Variants in SULF2 observed in about 807,000 individuals in gnomAD.
SULF2 encodes the protein extracellular sulfatase Sulf-2.
SULF2 carries 52 observed loss-of-function variants against 107.7 expected under a neutral mutation model. The ratio of observed to expected loss-of-function variants is 0.48; its 90% CI spans 0.39 to 0.61. The LOEUF (loss-of-function observed/expected upper bound fraction) is 0.61, where lower values mean the gene tolerates loss of function less well. Among genes scored for constraint, SULF2 ranks in the 20% least tolerant of loss-of-function variants. SULF2 has a pLI of 0.00. For synonymous variants in SULF2, 460 were observed against 464.3 expected, an observed-to-expected ratio of 0.99 and a Z score of 0.12; for missense variants, 993 against 1,177.3, an observed-to-expected ratio of 0.84 and a Z score of 2.29.
chr20:47,740,554 A>T (rs2089853431), intron 2 of SULF2, among the ~76,000 whole-genome samples: 1 of 152,170 alleles, frequency 6.6e-6, no homozygotes, highest in South Asian at 2.1e-4. Context: ...AGGGGGTGGC[A>T]TTGCCTTAGA....
At chr20:47,754,094 A>G (rs1380519322) in intron 2 of SULF2, among the ~76,000 whole-genome samples, 1 of 152,176 alleles carries the variant, frequency 6.6e-6, no homozygotes, top group Admixed American at 6.5e-5. Context: ...GCGTGCAGGG[A>G]AAGGAAAATT....
Position 47,736,774 on chromosome 20 carries a change from G to A in SULF2, c.344C>T (p.Ser115Leu), listed in dbSNP as rs762002969. Reference protein sequence around the residue: ...NTYTNNENCSSPSWQAQHESR... With the variant: ...NTYTNNENCSLPSWQAQHESR... Reference sequence around the variant, plus strand: ...CTCGTGCTGTGCCTGCCAGGAGGGCGAGGAGCAGTTCTCATTGTTGGTGTA... The same window carrying A: ...CTCGTGCTGTGCCTGCCAGGAGGGCAAGGAGCAGTTCTCATTGTTGGTGTA... Residue 115 changes from serine to leucine, a missense_variant, in exon 3 of 21, where the codon TCG becomes TTG. Coordinates refer to ENST00000688720, the MANE Select transcript of SULF2 (RefSeq NM_001387048.1). 6.8e-6 allele frequency: 11 copies of A among 1,614,234 alleles called. No homozygotes were observed. The highest frequency in any genetic ancestry group is 1.3e-5 in the African/African-American group (1 of 75,064).
In SULF2 at chr20:47,661,867, C is replaced by T. The variant is rs2087086140; in HGVS notation, c.2400G>A (p.Arg800=). ...GTACGTGTAGCTGGTTGAGGACATC[C>T]CTGTCCAGTGTGTTCACTGCATTCA... The part of the protein sequence containing the change: ...QLMNAVNTLD[R]DVLNQLHVQL... Residue 800 remains arginine, a synonymous_variant, in exon 18 of 21, where the codon AGG becomes AGA. Coordinates refer to ENST00000688720, the MANE Select transcript of SULF2 (RefSeq NM_001387048.1). 2 of 1,589,562 alleles carry T rather than the reference C, an allele frequency of 1.3e-6. No homozygotes were observed. The highest frequency in any genetic ancestry group is 1.7e-6 in the Non-Finnish European group (2 of 1,163,498).
At chr20:47,749,953 C>T (rs1327269969) in intron 2 of SULF2, among the ~76,000 whole-genome samples, 1 of 152,198 alleles carries the variant, frequency 6.6e-6, no homozygotes, top group Admixed American at 6.5e-5. Context: ...GCACCTGCAA[C>T]TTCCCAGGTC....
chr20:47,713,410 G>A (rs973605518), intron 3 of SULF2, among the ~76,000 whole-genome samples: 2 of 152,132 alleles, frequency 1.3e-5, no homozygotes, highest in Admixed American at 1.3e-4. Context: ...TGTGTAAAGT[G>A]CACAGTTTAA....
In SULF2 at chr20:47,690,118, A is replaced by G. The variant is rs776516808; in HGVS notation, c.737+8T>C. On this transcript the variant is annotated splice_region_variant and intron_variant, in intron 5 of 20. Coordinates refer to ENST00000688720, the MANE Select transcript of SULF2 (RefSeq NM_001387048.1). Reference sequence around the variant, plus strand: ...AGTGCCTCTGGCAGGCAGAGTGCTGAGGCTTACATGTGCTGAGATGCGTTT... The same window carrying G: ...AGTGCCTCTGGCAGGCAGAGTGCTGGGGCTTACATGTGCTGAGATGCGTTT... 4.9e-6 allele frequency: 7 copies of G among 1,439,214 alleles called. No homozygotes were observed. In the Admixed American group the frequency reaches 1.6e-4, roughly 33 times the overall value. 89.2% of individuals were successfully genotyped at this position (1,439,214 alleles called of 1,614,324 possible).
chr20:47,757,351 T>C lies in SULF2; in HGVS notation c.13A>G (p.Ser5Gly). 4 of 1,592,090 alleles carry C rather than the reference T, an allele frequency of 2.5e-6. No individual in the cohort carries two copies. Among genetic ancestry groups the C allele is most frequent in the Non-Finnish European group, 3.4e-6 (4 of 1,166,470 alleles). ...GCGGACAGCAAGCACAGCACGAGGC[T>C]CGGGGGGCCCATCTTCTTTTTTTGC... is the stretch of plus-strand genomic sequence containing the variant. MGPP[S>G]LVLCLLSATV... Residue 5 changes from serine (S) to glycine (G), a missense_variant, in exon 2 of 21, where the codon AGC becomes GGC. Ser to Gly is a moderately conservative substitution (Grantham distance 56, BLOSUM62 0). Coordinates refer to ENST00000688720, the MANE Select transcript of SULF2 (RefSeq NM_001387048.1).
At chr20:47,721,627 C>G (rs922368882) in intron 3 of SULF2, among the ~76,000 whole-genome samples, 1 of 152,212 alleles carries the variant, frequency 6.6e-6, no homozygotes, top group East Asian at 1.9e-4. Context: ...GCCTCAGCCT[C>G]CCAAAGTGCT....
intron 1 of SULF2, among the ~76,000 whole-genome samples, chr20:47,775,720 C>CAAGATGG (rs2090712882): frequency 1.3e-5 from 2 of 152,208 alleles, no homozygotes; most frequent in Non-Finnish European, 2.9e-5. Flanking sequence ...GCTTCAGGAC[C>CAAGATGG]TCCTGTTCTA....
chr20:47,688,325 A>G (rs1423978348), intron 5 of SULF2, among the ~76,000 whole-genome samples: 1 of 152,204 alleles, frequency 6.6e-6, no homozygotes, highest in East Asian at 1.9e-4. Context: ...ACAGCCTTCC[A>G]AACATGCCCC....
chr20:47,747,018 T>TATATATATATAC (rs1232551264), intron 2 of SULF2, among the ~76,000 whole-genome samples: 2 of 75,130 alleles, frequency 2.7e-5, no homozygotes, highest in African/African-American at 8.1e-5. Context: ...TATATATATA[T>TATATATATATAC]ACACACACAC....
At chr20:47,768,786 C>A in intron 1 of SULF2, among the ~76,000 whole-genome samples, 1 of 152,346 alleles carries the variant, frequency 6.6e-6, no homozygotes, top group South Asian at 2.1e-4. Flanking sequence ...CTCGGTCACC[C>A]CCACCCCCAG....
At chr20:47,679,679 A>C (rs1185941497) in intron 7 of SULF2, among the ~76,000 whole-genome samples, 1 of 152,162 alleles carries the variant, frequency 6.6e-6, no homozygotes, top group East Asian at 1.9e-4. Context: ...GGATGAGACC[A>C]CAGCCCTGGC....
chr20:47,698,552 A>T (rs971124145), intron 4 of SULF2, among the ~76,000 whole-genome samples: 3 of 152,208 alleles, frequency 2.0e-5, no homozygotes, highest in African/African-American at 7.2e-5. Context: ...AGACAAAAAC[A>T]GAGCTGACAG....
chr20:47,779,805 C>T (rs370537554), intron 1 of SULF2, among the ~76,000 whole-genome samples: 52 of 152,204 alleles, frequency 3.4e-4, no homozygotes, highest in African/African-American at 1.2e-3. Flanking sequence ...TGGGGTTTCA[C>T]CATGTTGGCC....
intron 3 of SULF2, among the ~76,000 whole-genome samples, chr20:47,727,630 G>C (rs1468730215): frequency 6.6e-6 from 1 of 152,126 alleles, no homozygotes; most frequent in Admixed American, 6.5e-5. Flanking sequence ...CTCTTTCCCC[G>C]TGGCCACTTC....
intron 3 of SULF2, among the ~76,000 whole-genome samples, chr20:47,710,236 C>T (rs906882321): frequency 2.0e-5 from 3 of 148,696 alleles, no homozygotes; most frequent in Admixed American, 1.3e-4. Flanking sequence ...TGGGGTGTCA[C>T]TATGTTGCTC....
intron 6 of SULF2, 183 bp downstream of exon 6, chr20:47,684,248 G>A (rs2087922117): frequency 1.8e-6 from 1 of 562,668 alleles, no homozygotes; most frequent in African/African-American, 1.9e-5. Flanking sequence ...AATGTTTCAT[G>A]AAGGAAGAGG....
intron 11 of SULF2, among the ~76,000 whole-genome samples, chr20:47,670,228 T>G (rs890339119): frequency 1.3e-5 from 2 of 152,180 alleles, no homozygotes; most frequent in Non-Finnish European, 2.9e-5. Flanking sequence ...AGTCTTGCTC[T>G]GTCACCCAGG....
Sources: gnomAD v4.1 joint callset for allele counts (sites outside exome capture counted in the v4.1 genomes callset) on GRCh38, gnomAD v4.1.1 for gene constraint, MANE v1.5 for transcripts, NCBI Gene and HGNC (gene_info 2026-07-23, HGNC 2026-07-21) for gene names.